FKBP5: variants seen among roughly 807,000 people sequenced by gnomAD.
The protein encoded by FKBP5 is peptidyl-prolyl cis-trans isomerase FKBP5.
A neutral mutation model predicts 50.5 loss-of-function variants in FKBP5; 23 were observed. The ratio of observed to expected loss-of-function variants is 0.46; its 90% confidence interval spans 0.33 to 0.65. FKBP5 has a LOEUF of 0.65. Among genes scored for constraint, FKBP5 ranks in the 30% least tolerant of loss-of-function variants. The pLI is 0.02. For synonymous variants in FKBP5, 176 were observed against 190.6 expected (o/e 0.92, Z 0.63); for missense variants, 411 against 553.1 (o/e 0.74, Z 2.58).
At chr6:35,705,136 G>A (rs963079559) in intron 2 of FKBP5, among the ~76,000 whole-genome samples, 23 of 145,578 alleles carry the variant, frequency 1.6e-4, no homozygotes, top group Non-Finnish European at 9.0e-5. Context: ...GCAAGACTCC[G>A]TCTCAAAAAC....
At chr6:35,596,030 A>T (rs533778422) in intron 6 of FKBP5, among the ~76,000 whole-genome samples, 1 of 152,144 alleles carries the variant, frequency 6.6e-6, no homozygotes, top group East Asian at 1.9e-4. Flanking sequence ...AGGATTTTCA[A>T]GTGGTAGTTG....
chr6:35,699,936 A>G (rs1766149722), intron 2 of FKBP5, among the ~76,000 whole-genome samples: 1 of 151,918 alleles, frequency 6.6e-6, no homozygotes, highest in South Asian at 2.1e-4. Flanking sequence ...AATCCCAGCT[A>G]CTCGGGAGAC....
At chr6:35,587,824 A>T (rs1259914773) in intron 7 of FKBP5, among the ~76,000 whole-genome samples, 1 of 152,186 alleles carries the variant, frequency 6.6e-6, no homozygotes, top group Non-Finnish European at 1.5e-5. Context: ...TGCCATTTAC[A>T]AGCTGGATTT....
intron 2 of FKBP5, among the ~76,000 whole-genome samples, chr6:35,718,263 C>T (rs1181267384): frequency 1.3e-5 from 2 of 152,178 alleles, no homozygotes; most frequent in South Asian, 2.1e-4. Flanking sequence ...GCAGGGTGTG[C>T]TCGCGAGAGC....
chr6:35,623,757 T>TC (rs1763917113), intron 3 of FKBP5, among the ~76,000 whole-genome samples: 1 of 151,750 alleles, frequency 6.6e-6, no homozygotes, highest in Non-Finnish European at 1.5e-5. Flanking sequence ...TTCTTCTTTT[T>TC]TTTTTTTTTG....
At chr6:35,628,796 G>A (rs1764070260) in intron 3 of FKBP5, among the ~76,000 whole-genome samples, 1 of 152,050 alleles carries the variant, frequency 6.6e-6, no homozygotes, top group African/African-American at 2.4e-5. Flanking sequence ...TCGGCTTACT[G>A]CAACCTCCAC....
chr6:35,602,968 G>A (rs1331942921), intron 5 of FKBP5, among the ~76,000 whole-genome samples: 2 of 152,140 alleles, frequency 1.3e-5, no homozygotes, highest in Non-Finnish European at 2.9e-5. Flanking sequence ...TATAGCACTT[G>A]AGTTAGACCT....
chr6:35,629,008 C>T (rs754931445), intron 3 of FKBP5, among the ~76,000 whole-genome samples: 3 of 152,202 alleles, frequency 2.0e-5, no homozygotes, highest in South Asian at 4.1e-4. Flanking sequence ...TGAGCCACCA[C>T]GCCTGGCCTA....
chr6:35,582,182 AAAATC>A (rs1762453673), intron 8 of FKBP5: 1 of 985,296 alleles, frequency 1.0e-6, no homozygotes, highest in Non-Finnish European at 1.2e-6. Context: ...GACTGGCACT[AAAATC>A]AAAGTCTGTC....
In FKBP5 at chr6:35,595,146, C is replaced by T. The variant is rs375399159; in HGVS notation, c.665+2102G>A. Among the ~76,000 whole-genome samples, 12 of 152,250 alleles carry T rather than the reference C, an allele frequency of 7.9e-5. 1 individual carries two copies. Among genetic ancestry groups the T allele is most frequent in the East Asian group, 5.8e-4 (3 of 5,186 alleles). On this transcript the variant is annotated intron_variant, in intron 6 of 10. Coordinates refer to ENST00000357266, the MANE Select transcript of FKBP5 (RefSeq NM_004117.4). ...AGGAGGGTTAAGTGCCTTGGCCAAG[C>T]GCACAGAGCAAAGTGTAACCACTAA...
At chr6:35,624,112 C>T (rs1463333860) in intron 3 of FKBP5, among the ~76,000 whole-genome samples, 1 of 152,116 alleles carries the variant, frequency 6.6e-6, no homozygotes, top group Non-Finnish European at 1.5e-5. Flanking sequence ...AGACTACAGG[C>T]ACCTGGCTTC....
At chr6:35,689,185 G>A (rs780212081), upstream of FKBP5, among the ~76,000 whole-genome samples, 7 of 152,182 alleles carry the variant, frequency 4.6e-5, no homozygotes, top group Non-Finnish European at 1.0e-4. Context: ...AAGGGATGGT[G>A]GAAACTGACA....
chr6:35,641,252 G>C (rs751205661), intron 2 of FKBP5, among the ~76,000 whole-genome samples: 18 of 152,078 alleles, frequency 1.2e-4, no homozygotes, highest in Non-Finnish European at 1.8e-4. Flanking sequence ...CAGGGTGCTG[G>C]GATTACAGGC....
At chr6:35,670,556 C>T (rs979978676) in intron 1 of FKBP5, among the ~76,000 whole-genome samples, 1 of 151,192 alleles carries the variant, frequency 6.6e-6, no homozygotes, top group African/African-American at 2.4e-5. Flanking sequence ...GGTGAAACCC[C>T]GACTCTACTA....
Position 35,716,292 on chromosome 6 carries a change from G to A in FKBP5, c.-20+4036C>T, listed in dbSNP as rs563419694. On this transcript the variant is annotated intron_variant, in intron 2 of 11. Coordinates refer to the FKBP5 transcript ENST00000536438. ...AGAGGCCAAGGTGGGAGAATCACTT[G>A]AGCCCAGGAGTCCAAGGTTGCAGTG... 5.9e-5 allele frequency among the ~76,000 whole-genome samples: 9 copies of A among 152,244 alleles called. No homozygotes were observed. In the South Asian group the frequency reaches 1.9e-3, roughly 32 times the overall value.
intron 8 of FKBP5, chr6:35,582,893 A>G: frequency 1.1e-6 from 1 of 931,694 alleles, no homozygotes; most frequent in Non-Finnish European, 1.3e-6. Flanking sequence ...TTTGTTGAGT[A>G]AATATTGAAA....
At chr6:35,659,248 A>ATT (rs1171151862) in intron 1 of FKBP5, among the ~76,000 whole-genome samples, 1,026 of 68,564 alleles carry the variant, frequency 0.015, 301 homozygotes, top group African/African-American at 0.039. Flanking sequence ...TGGGAATTCA[A>ATT]TTTTTTTTTT....
In FKBP5 at chr6:35,618,349, A is replaced by C. The variant is rs374322320; in HGVS notation, c.508+747T>G. Among the ~76,000 whole-genome samples, 4 of 152,304 alleles carry C rather than the reference A, an allele frequency of 2.6e-5. No individual in the cohort carries two copies. In the East Asian group the frequency reaches 7.7e-4, roughly 29 times the overall value. ...TGTTGAATTAATATTTACTAAATAA[A>C]ATTATTAAATAAATGTTGAACCTGA... On this transcript the variant is annotated intron_variant, in intron 5 of 10. Transcript: ENST00000357266.
At chr6:35,698,211 G>C (rs948469722) in intron 2 of FKBP5, among the ~76,000 whole-genome samples, 1 of 152,036 alleles carries the variant, frequency 6.6e-6, no homozygotes. Flanking sequence ...GCGTGGTGCC[G>C]CATGCCTGTA....
Sources: gnomAD v4.1 joint callset for allele counts (sites outside exome capture counted in the v4.1 genomes callset) on GRCh38, gnomAD v4.1.1 for gene constraint, MANE v1.5 for transcripts, NCBI Gene and HGNC (gene_info 2026-07-23, HGNC 2026-07-21) for gene names.